The following MATR3 variants were observed in gnomAD, a reference collection of about 807,000 sequenced individuals.
MATR3 encodes matrin-3.
A neutral mutation model predicts 85.5 loss-of-function variants in MATR3; 4 were observed. That is an observed-to-expected ratio of 0.05 (90% confidence interval 0.02 to 0.11). The LOEUF is 0.11. MATR3 is among the 10% of genes least tolerant of loss of function. The pLI, the probability that MATR3 is intolerant of heterozygous loss-of-function variation, is 1.00. For synonymous variants in MATR3, 336 were observed against 343.1 expected (o/e 0.98, Z 0.23); for missense variants, 685 against 1,016.1 (o/e 0.67, Z 4.43).
intron 3 of MATR3, among the ~76,000 whole-genome samples, chr5:139,287,176 C>T (rs1326912054): frequency 6.6e-6 from 1 of 152,208 alleles, no homozygotes; most frequent in African/African-American, 2.4e-5. Context: ...TCATTGATGA[C>T]AGGACTCCTC....
intron 1 of MATR3, 113 bp downstream of exon 1, chr5:139,293,918 T>C: frequency 1.7e-6 from 2 of 1,188,442 alleles, no homozygotes; most frequent in Non-Finnish European, 2.1e-6. Context: ...CGCGCCTTTC[T>C]TGCTCGCTCC....
At chr5:139,317,904 G>A (rs988475831) in intron 7 of MATR3, among the ~76,000 whole-genome samples, 183 bp downstream of exon 7, 18 of 152,118 alleles carry the variant, frequency 1.2e-4, no homozygotes, top group Admixed American at 7.9e-4. Context: ...TGGATTATTA[G>A]TAACTATAAA....
chr5:139,318,963 C>T lies in MATR3; in HGVS notation c.1364C>T (p.Thr455Ile). Residue 455 changes from threonine to isoleucine, a missense_variant, in exon 8 of 15, where the codon ACA becomes ATA. Thr to Ile is a moderately conservative substitution (Grantham distance 89, BLOSUM62 -1). Transcript: ENST00000394805. ...EDAQAAVDYY[T>I]TTPALVFGKP... ...GCTCAGGCCGCAGTGGATTATTACA[C>T]AACCACACCAGCGTTAGTATTTGGC... 1 of 1,613,936 alleles carries T rather than the reference C, an allele frequency of 6.2e-7. No homozygotes were observed. The highest frequency in any genetic ancestry group is 1.6e-4 in the Middle Eastern group (1 of 6,062).
At chr5:139,315,483 A>G (rs1299933939) in intron 3 of MATR3, 6 of 503,036 alleles carry the variant, frequency 1.2e-5, no homozygotes, top group Admixed American at 3.7e-5. Flanking sequence ...TGCATTTGCA[A>G]GCAATACAAA....
chr5:139,319,615 AG>A, intron 9 of MATR3, 114 bp downstream of exon 9: 1 of 909,296 alleles, frequency 1.1e-6, no homozygotes, highest in Non-Finnish European at 1.7e-6. Context: ...TGGGAGGCCA[AG>A]GCAGGCAAAT....
At chr5:139,302,474 CTT>C (rs964647960) in intron 1 of MATR3, among the ~76,000 whole-genome samples, 3 of 151,774 alleles carry the variant, frequency 2.0e-5, no homozygotes, top group African/African-American at 7.3e-5. Context: ...AAAATGAAAA[CTT>C]GTAGTACTTT....
Position 139,308,047 on chromosome 5 carries a change from C to A in MATR3, c.632C>A (p.Ser211Tyr). ...DYDHGSRSQE[S>Y]GYYDRMDYED... Reference sequence around the variant, plus strand: ...GACCATGGAAGTCGTTCTCAAGAATCTGGTTATTATGACAGAATGGATTAT... The same window carrying A: ...GACCATGGAAGTCGTTCTCAAGAATATGGTTATTATGACAGAATGGATTAT... The change falls in exon 2 of 15, where the codon TCT (serine) becomes TAT (tyrosine). Residue 211 changes from serine to tyrosine, a missense_variant. Ser to Tyr is a moderately radical substitution (Grantham distance 144). This residue lies in a region of MATR3 where 223 missense variants were observed against 334.4 expected (regional missense o/e 0.67). Coordinates refer to ENST00000394805, the MANE Select transcript of MATR3 (RefSeq NM_018834.6). The A allele has an allele frequency of 1.2e-6, 2 of 1,614,092 alleles. No individual in the cohort carries two copies. Among genetic ancestry groups the A allele is most frequent in the Non-Finnish European group, 1.7e-6 (2 of 1,180,016 alleles).
In MATR3 at chr5:139,331,081, A is replaced by G. The variant is rs752719892; in HGVS notation, c.*1686A>G. 6.6e-6 allele frequency: 3 copies of G among 453,884 alleles called. No homozygotes were observed. The highest frequency in any genetic ancestry group is 2.4e-5 in the Admixed American group (1 of 42,522). The allele number at this position is 453,884 out of a possible 1,614,324, so 28.1% of individuals were successfully genotyped here. On this transcript the variant is annotated 3_prime_UTR_variant, in exon 15 of 15. Coordinates refer to ENST00000394805, the MANE Select transcript of MATR3 (RefSeq NM_018834.6). ...GCTGGGACTGTAGGCATGAGCCACC[A>G]TCCCTGGCCAAGAAACAAAGTTTTA...
upstream of MATR3, chr5:139,293,316 G>A (rs1162689867): frequency 6.6e-6 from 1 of 152,086 alleles, no homozygotes; most frequent in Non-Finnish European, 1.5e-5. Flanking sequence ...TCCCTTTGTG[G>A]CCCCAATATC....
chr5:139,302,766 A>G (rs1288684443), intron 1 of MATR3, among the ~76,000 whole-genome samples: 1 of 152,220 alleles, frequency 6.6e-6, no homozygotes, highest in Non-Finnish European at 1.5e-5. Context: ...GGTATTGTTG[A>G]TTGCTACCTA....
In MATR3 at chr5:139,278,266, G is replaced by A. The variant is rs1469899190; in HGVS notation, c.-256-785G>A. ...ATATATATACACACACACACACAAT[G>A]CATTGCTATTTATTATATTCTGTGT... On this transcript the variant is annotated intron_variant, in intron 2 of 16. Transcript: ENST00000509990. 3 of 451,806 alleles carry A rather than the reference G, an allele frequency of 6.6e-6. No homozygotes were observed. The Admixed American group carries it at 7.1e-5, about 11-fold the overall frequency. The allele number at this position is 451,806 out of a possible 1,614,324, so 28.0% of individuals were successfully genotyped here.
chr5:139,326,391 G>GTGCT, intron 14 of MATR3, 107 bp downstream of exon 14: 1 of 1,008,378 alleles, frequency 9.9e-7, no homozygotes, highest in East Asian at 2.5e-5. Flanking sequence ...ACTCAGTGCA[G>GTGCT]TGCTTTCTCC....
intron 1 of MATR3, chr5:139,274,399 C>G: frequency 3.9e-6 from 1 of 255,370 alleles, no homozygotes; most frequent in South Asian, 4.3e-5. Flanking sequence ...GAGCCTCGAT[C>G]TCCCAGGGCC....
intron 1 of MATR3, among the ~76,000 whole-genome samples, chr5:139,296,978 T>C (rs1356021127): frequency 1.3e-5 from 2 of 152,136 alleles, no homozygotes; most frequent in Non-Finnish European, 2.9e-5. Context: ...TGAGACCAGC[T>C]TGCCCAACAT....
chr5:139,329,280 G>A (rs1756010501), intron 14 of MATR3, 65 bp from the exon 15 acceptor site: 2 of 1,131,606 alleles, frequency 1.8e-6, no homozygotes, highest in Admixed American at 1.7e-5. Context: ...TTTGATTTTG[G>A]AATTAATCCA....
chr5:139,309,964 T>G (rs1754889613), intron 2 of MATR3: 1 of 152,186 alleles, frequency 6.6e-6, no homozygotes, highest in Non-Finnish European at 1.5e-5. Context: ...TAGTTACAAG[T>G]GTCTCAAATG....
intron 1 of MATR3, among the ~76,000 whole-genome samples, chr5:139,296,551 T>C (rs907313685): frequency 6.6e-6 from 1 of 151,722 alleles, no homozygotes; most frequent in Non-Finnish European, 1.5e-5. Context: ...AATATTAGAG[T>C]CCTCTGTATT....
Position 139,319,508 on chromosome 5 carries a change from TAC to T in MATR3, c.1602+9_1602+10del, listed in dbSNP as rs1755429413. Reference sequence around the variant, plus strand: ...GATGAGGATGAAAAGTCAGGTAATATACATAAGGAAGTTTTAGAGAAGATAAT... The same window carrying T: ...GATGAGGATGAAAAGTCAGGTAATATATAAGGAAGTTTTAGAGAAGATAAT... On this transcript the variant is annotated splice_region_variant and intron_variant, in intron 9 of 14. Coordinates refer to ENST00000394805, the MANE Select transcript of MATR3 (RefSeq NM_018834.6). 6.3e-7 allele frequency: 1 copy of T among 1,599,492 alleles called. No homozygotes were observed. Among genetic ancestry groups the T allele is most frequent in the African/African-American group, 1.3e-5 (1 of 74,796 alleles).
At chr5:139,316,010 T>G in intron 4 of MATR3, 66 bp from the exon 5 acceptor site, 4 of 1,242,390 alleles carry the variant, frequency 3.2e-6, no homozygotes, top group Non-Finnish European at 4.7e-6. Flanking sequence ...GCTTTAACAT[T>G]TAATCTTAAT....
Sources: gnomAD v4.1 joint callset for allele counts (sites outside exome capture counted in the v4.1 genomes callset) on GRCh38, gnomAD v4.1.1 for gene constraint, gnomAD v4.1.1 regional missense constraint, MANE v1.5 for transcripts, NCBI Gene and HGNC (gene_info 2026-07-23, HGNC 2026-07-21) for gene names.